ANK2: variants seen among roughly 807,000 people sequenced by gnomAD.
The protein encoded by ANK2 is ankyrin-2.
A neutral mutation model predicts 360.5 loss-of-function variants in ANK2; 83 were observed. The ratio of observed to expected loss-of-function variants is 0.23; its 90% CI spans 0.19 to 0.28. ANK2 has a LOEUF of 0.28. ANK2 is among the 10% of genes least tolerant of loss of function. ANK2 has a pLI of 1.00. For missense variants in ANK2, 4,201 were observed against 4,795.7 expected (o/e 0.88, Z 3.66); for synonymous variants, 1,740 against 1,759.5 (o/e 0.99, Z 0.28).
intron 1 of ANK2, among the ~76,000 whole-genome samples, chr4:113,135,231 A>G (rs1582664071): frequency 6.6e-6 from 1 of 152,340 alleles, no homozygotes; most frequent in South Asian, 2.1e-4. Flanking sequence ...AAGTAAAGAT[A>G]CCTATGAAAA....
chr4:113,005,073 T>A (rs930685236), intron 2 of ANK2, among the ~76,000 whole-genome samples: 4 of 152,202 alleles, frequency 2.6e-5, no homozygotes, highest in Non-Finnish European at 4.4e-5. Context: ...AGTTTCTGCA[T>A]CATGCAAAGA....
intron 1 of ANK2, among the ~76,000 whole-genome samples, chr4:112,863,143 A>G (rs2068713022): frequency 6.6e-6 from 1 of 152,186 alleles, no homozygotes; most frequent in Non-Finnish European, 1.5e-5. Context: ...TTCTTTGAAA[A>G]AATGATTTCT....
intron 4 of ANK2, among the ~76,000 whole-genome samples, chr4:113,207,747 A>AAAC (rs1222324403): frequency 3.3e-5 from 5 of 152,050 alleles, no homozygotes; most frequent in Non-Finnish European, 5.9e-5. Context: ...TTTCCAATAG[A>AAAC]AACTGATTGG....
chr4:113,275,031 T>C (rs1281892810), intron 15 of ANK2, among the ~76,000 whole-genome samples: 1 of 152,222 alleles, frequency 6.6e-6, no homozygotes, highest in Non-Finnish European at 1.5e-5. Context: ...AGATTGGCAG[T>C]ACTATATTTG....
chr4:113,027,530 C>T (rs552406827), intron 2 of ANK2, among the ~76,000 whole-genome samples: 2 of 152,174 alleles, frequency 1.3e-5, no homozygotes, highest in African/African-American at 2.4e-5. Flanking sequence ...CCTGGGGCCA[C>T]CATTATTGGA....
intron 1 of ANK2, among the ~76,000 whole-genome samples, chr4:112,896,425 G>A (rs1359859454): frequency 6.6e-6 from 1 of 152,052 alleles, no homozygotes; most frequent in Non-Finnish European, 1.5e-5. Flanking sequence ...AATTCTGAGA[G>A]GTAAAATCTG....
intron 2 of ANK2, among the ~76,000 whole-genome samples, chr4:113,014,665 A>G (rs2055932599): frequency 6.6e-6 from 1 of 151,988 alleles, no homozygotes; most frequent in Non-Finnish European, 1.5e-5. Flanking sequence ...TGGTTAGCAT[A>G]TCTAGGGGTG....
intron 1 of ANK2, among the ~76,000 whole-genome samples, chr4:113,087,157 T>G (rs1488416935): frequency 6.6e-6 from 1 of 152,158 alleles, no homozygotes; most frequent in Non-Finnish European, 1.5e-5. Flanking sequence ...ATCAGTGAGA[T>G]GATGATGCCG....
In ANK2 at chr4:113,357,787, G is replaced by A; in HGVS notation, c.9169G>A (p.Ala3057Thr). The A allele has an allele frequency of 1.2e-6, 2 of 1,614,028 alleles. No individual in the cohort carries two copies. Among genetic ancestry groups the A allele is most frequent in the East Asian group, 2.2e-5 (1 of 44,884 alleles). ...TCGGGAAGACGATGAAGCCTTTGAG[G>A]CTCGTGTGAAAGAGGAAGAACAAAA... ...EIREDDEAFE[A>T]RVKEEEQKIF... Residue 3057 changes from alanine to threonine, a missense_variant, in exon 38 of 46, where the codon GCT (alanine) becomes ACT (threonine). By Grantham distance (58) the Ala-to-Thr change is moderately conservative. This residue lies in a region of ANK2 where 2,642 missense variants were observed against 2,714.5 expected (regional missense o/e 0.97). Coordinates refer to ENST00000357077, the MANE Select transcript of ANK2 (RefSeq NM_001148.6).
At chr4:112,843,516 A>G (rs574028043) in intron 1 of ANK2, among the ~76,000 whole-genome samples, 1 of 152,270 alleles carries the variant, frequency 6.6e-6, no homozygotes, top group African/African-American at 2.4e-5. Context: ...AAAACAAAAC[A>G]TTGCATGTGC....
At chr4:112,843,377 T>G (rs1450997945) in intron 1 of ANK2, among the ~76,000 whole-genome samples, 1 of 152,244 alleles carries the variant, frequency 6.6e-6, no homozygotes, top group African/African-American at 2.4e-5. Context: ...ACATTTGATT[T>G]ATCTGAGAAC....
At chr4:112,874,968 T>C (rs1020606392) in intron 1 of ANK2, among the ~76,000 whole-genome samples, 1 of 152,076 alleles carries the variant, frequency 6.6e-6, no homozygotes, top group Non-Finnish European at 1.5e-5. Flanking sequence ...TGTTTGTTTT[T>C]AGAATTCTAG....
the ANK2 span, among the ~76,000 whole-genome samples, chr4:112,799,277 A>C: frequency 2.0e-5 from 3 of 152,174 alleles, no homozygotes; most frequent in Non-Finnish European, 4.4e-5. Context: ...ATGCTGCATG[A>C]ACATGGGTAC....
intron 1 of ANK2, among the ~76,000 whole-genome samples, chr4:112,843,716 C>T (rs2062678563): frequency 6.6e-6 from 1 of 151,992 alleles, no homozygotes; most frequent in Non-Finnish European, 1.5e-5. Flanking sequence ...TATGGATCAC[C>T]TCAAGGAATA....
the ANK2 span, among the ~76,000 whole-genome samples, chr4:112,777,881 G>A: frequency 6.6e-6 from 1 of 151,478 alleles, no homozygotes; most frequent in Admixed American, 6.6e-5. Context: ...GCCTCCCAAA[G>A]TGCTGGGATT....
chr4:113,271,194 A>G (rs1014812647), intron 14 of ANK2, among the ~76,000 whole-genome samples: 5 of 152,170 alleles, frequency 3.3e-5, no homozygotes, highest in African/African-American at 9.7e-5. Flanking sequence ...CGAACAAACC[A>G]CTGGTTTCTA....
intron 2 of ANK2, among the ~76,000 whole-genome samples, chr4:113,011,943 A>G (rs7699298): frequency 0.81 from 122,590 of 151,974 alleles, 49,408 homozygotes; most frequent in South Asian, 0.87. Flanking sequence ...CTCTCGGAAG[A>G]GTTTCCTAAT....
At chr4:113,336,208 T>G in intron 30 of ANK2, 151 bp downstream of exon 30, 2 of 820,970 alleles carry the variant, frequency 2.4e-6, no homozygotes, top group South Asian at 3.6e-5. Context: ...TCCATATTTA[T>G]TGGTTACTAA....
intron 1 of ANK2, among the ~76,000 whole-genome samples, chr4:113,067,096 G>A (rs2075898607): frequency 6.7e-6 from 1 of 149,842 alleles, no homozygotes; most frequent in Non-Finnish European, 1.5e-5. Flanking sequence ...TGTAGCCAGA[G>A]GGGACTTTGA....
Sources: allele counts gnomAD v4.1 joint callset (sites outside exome capture counted in the v4.1 genomes callset), GRCh38; gene constraint gnomAD v4.1.1; regional missense constraint gnomAD v4.1.1; transcripts MANE v1.5; gene names NCBI Gene and HGNC (gene_info 2026-07-23, HGNC 2026-07-21).